The following MTSS2 variants were observed in gnomAD, a reference collection of about 807,000 sequenced individuals.
MTSS2 encodes protein MTSS 2.
A neutral mutation model predicts 67.1 loss-of-function variants in MTSS2; 27 were observed. That is an observed-to-expected ratio of 0.40 (90% CI 0.30 to 0.55). MTSS2 has a LOEUF of 0.55. Among genes scored for constraint, MTSS2 ranks in the 20% least tolerant of loss-of-function variants. The probability of loss-of-function intolerance (pLI) is 0.43; values close to 1 mark genes in which losing one functional copy is unlikely to be tolerated. For missense variants in MTSS2, 1,171 were observed against 1,067.8 expected (o/e 1.10, Z -1.35); for synonymous variants, 624 against 468.6 (o/e 1.33, Z -4.28).
rs2053189246 is a variant in MTSS2 at position 70,678,374 on chromosome 16, G to A, written c.502C>T (p.Leu168=). 2.5e-6 allele frequency: 4 copies of A among 1,612,760 alleles called. No homozygotes were observed. The highest frequency in any genetic ancestry group is 1.3e-5 in the African/African-American group (1 of 74,952). ...AGGTACATGTCGTTGACGTCCTGCA[G>A]GGCACTGTCCAGCTGGGGCTGCAGG... is the stretch of plus-strand genomic sequence containing the variant. ...GDLQPQLDSA[L]QDVNDMYLLL... Residue 168 remains leucine (L), a synonymous_variant, in exon 8 of 15, where the codon CTG becomes TTG. Coordinates refer to ENST00000338779, the MANE Select transcript of MTSS2 (RefSeq NM_138383.3).
chr16:70,664,524 G>T (rs986465242), intron 14 of MTSS2, 74 bp downstream of exon 14: 15 of 1,575,218 alleles, frequency 9.5e-6, no homozygotes, highest in African/African-American at 1.3e-5. Context: ...TGAGCACAGA[G>T]GGGGAAGGAC....
chr16:70,671,065 G>A (rs918017563), intron 11 of MTSS2, among the ~76,000 whole-genome samples: 1 of 151,558 alleles, frequency 6.6e-6, no homozygotes, highest in Admixed American at 6.6e-5. Flanking sequence ...CTGGCTTCAG[G>A]AGTGGTGGTT....
chr16:70,678,149 GC>G, intron 8 of MTSS2, 102 bp downstream of exon 8: 2 of 1,411,528 alleles, frequency 1.4e-6, no homozygotes, highest in East Asian at 2.3e-5. Flanking sequence ...TGGCCTTGAT[GC>G]CCCCAGCCAG....
chr16:70,672,277 G>A (rs2052962506), intron 11 of MTSS2, among the ~76,000 whole-genome samples: 1 of 151,018 alleles, frequency 6.6e-6, no homozygotes, highest in South Asian at 2.1e-4. Flanking sequence ...AACCTGGGAG[G>A]CAGAGGTTGC....
chr16:70,662,088 C>CAGGGCCTGCTT lies in MTSS2; in HGVS notation c.*1578_*1588dup, dbSNP rs2052499767. On this transcript the variant is annotated 3_prime_UTR_variant, in exon 15 of 15. Coordinates refer to ENST00000338779, the MANE Select transcript of MTSS2 (RefSeq NM_138383.3). ...CCCTCTGATGGGACTCTGTCCACAT[C>CAGGGCCTGCTT]AGGGCCTGCTTGGTGCCCGGACCTA... The CAGGGCCTGCTT allele has an allele frequency of 1.3e-5, 2 of 152,404 alleles. No individual in the cohort carries two copies. The highest frequency in any genetic ancestry group is 4.8e-5 in the African/African-American group (2 of 41,532). The allele number at this position is 152,404 out of a possible 1,614,324, so 9.4% of individuals were successfully genotyped here.
In MTSS2 at chr16:70,664,579, C is replaced by G. The variant is rs1313608162; in HGVS notation, c.1471+19G>C. 1.2e-6 allele frequency: 2 copies of G among 1,608,872 alleles called. No individual in the cohort carries two copies. Among genetic ancestry groups the G allele is most frequent in the Admixed American group, 3.3e-5 (2 of 59,898 alleles). ...AAGTCCCAGCTGTCCCTGGTCCCAC[C>G]CCAGCCCCGCGGGCCTGCCTTGGGA... On this transcript the variant is annotated intron_variant, in intron 14 of 14. Coordinates refer to ENST00000338779, the MANE Select transcript of MTSS2 (RefSeq NM_138383.3).
At chr16:70,681,964 A>G (rs1488045811) in intron 1 of MTSS2, among the ~76,000 whole-genome samples, 1 of 152,040 alleles carries the variant, frequency 6.6e-6, no homozygotes, top group Non-Finnish European at 1.5e-5. Context: ...CCTCCCTTCC[A>G]TGTAGGATGG....
Position 70,661,433 on chromosome 16 carries a change from A to G in MTSS2, c.*2244T>C. The G allele has an allele frequency of 2.7e-6, 1 of 373,612 alleles. No homozygotes were observed. The highest frequency in any genetic ancestry group is 5.3e-6 in the Non-Finnish European group (1 of 189,628). The allele number at this position is 373,612 out of a possible 1,614,324, so 23.1% of individuals were successfully genotyped here. On this transcript the variant is annotated 3_prime_UTR_variant, in exon 15 of 15. Transcript: ENST00000338779. ...CAGGAGGGCTGCCTGGGGTGGGGGA[A>G]TAAATTAAAAAAAGGAACGAGTTAA... is the stretch of plus-strand genomic sequence containing the variant.
rs777233251 is a variant in MTSS2, at chr16:70,679,651, G to A, written c.436C>T (p.Leu146=). The A allele has an allele frequency of 6.2e-7, 1 of 1,608,896 alleles. No individual in the cohort carries two copies. The highest frequency in any genetic ancestry group is 1.1e-5 in the South Asian group (1 of 90,070). The part of the protein sequence containing the change: ...IKKKSSDTLK[L]QKKARKELLG... ...CTACCTTTGCGCGCCTTCTTCTGCA[G>A]CTTCAGCGTGTCCGACGACTTCTTT... The change falls in exon 6 of 15, where the codon CTG becomes TTG. Residue 146 remains leucine, a synonymous_variant. Coordinates refer to ENST00000338779, the MANE Select transcript of MTSS2 (RefSeq NM_138383.3).
chr16:70,664,897 A>G (rs1349429585), intron 13 of MTSS2, 23 bp downstream of exon 13: 2 of 1,528,878 alleles, frequency 1.3e-6, no homozygotes, highest in Non-Finnish European at 1.8e-6. Flanking sequence ...CCTGGGCGTG[A>G]AGGGGGGCCC....
At chr16:70,680,456 G>A (rs1268674603) in intron 3 of MTSS2, among the ~76,000 whole-genome samples, 1 of 152,228 alleles carries the variant, frequency 6.6e-6, no homozygotes, top group Non-Finnish European at 1.5e-5. Flanking sequence ...AAGCCCAACG[G>A]CGCGCTCACC....
At chr16:70,670,754 AG>A (rs2052903305) in intron 11 of MTSS2, among the ~76,000 whole-genome samples, 1 of 152,116 alleles carries the variant, frequency 6.6e-6, no homozygotes, top group African/African-American at 2.4e-5. Flanking sequence ...GCTTGAAGGT[AG>A]GAGTTCGAGA....
intron 14 of MTSS2, 27 bp downstream of exon 14, chr16:70,664,571 G>A (rs1269903192): frequency 1.9e-6 from 3 of 1,606,694 alleles, no homozygotes; most frequent in South Asian, 2.2e-5. Context: ...AGCTGTCCCT[G>A]GTCCCACCCC....
At chr16:70,676,212 C>T (rs1370839005) in intron 10 of MTSS2, among the ~76,000 whole-genome samples, 1 of 152,236 alleles carries the variant, frequency 6.6e-6, no homozygotes, top group East Asian at 1.9e-4. Flanking sequence ...TCAATGTCTC[C>T]TCCAAACCCA....
Position 70,666,967 on chromosome 16 carries a change from C to A in MTSS2, c.1054-1427G>T, listed in dbSNP as rs148699892. The stretch of plus-strand genomic sequence containing the variant: ...TAAAGCAAGGAAAAGAAATAAAAAA[C>A]AAATGGATTGGAAAGAAAAGAAAGA... On this transcript the variant is annotated intron_variant, in intron 11 of 14. Transcript: ENST00000338779. Among the ~76,000 whole-genome samples the A allele has an allele frequency of 7.4e-4, 113 of 152,170 alleles. 1 individual carries two copies. In the South Asian group the frequency reaches 0.017, roughly 22 times the overall value.
At chr16:70,666,091 G>A (rs535856856) in intron 11 of MTSS2, among the ~76,000 whole-genome samples, 2 of 152,184 alleles carry the variant, frequency 1.3e-5, no homozygotes, top group East Asian at 1.9e-4. Context: ...ACCAGGCAGC[G>A]AGTGCAGTTA....
rs1415478910 is a variant in MTSS2, at chr16:70,661,341, G to GAAAGA, written c.*2331_*2335dup. The stretch of plus-strand genomic sequence containing the variant: ...AGGAGAATTTTTCCAAAATCTGACG[G>GAAAGA]AAAGAAAAGAAACAAATGGTTCAGA... On this transcript the variant is annotated 3_prime_UTR_variant, in exon 15 of 15. Coordinates refer to ENST00000338779, the MANE Select transcript of MTSS2 (RefSeq NM_138383.3). 7.3e-6 allele frequency: 3 copies of GAAAGA among 409,960 alleles called. No homozygotes were observed. In the Admixed American group the frequency reaches 9.0e-5, roughly 12 times the overall value. 25.4% of individuals were successfully genotyped at this position (409,960 alleles called of 1,614,324 possible). A position where few individuals can be genotyped will look rare whatever the true frequency, so the allele number is the denominator to read the frequency against.
At chr16:70,679,741 C>T in intron 5 of MTSS2, 37 bp from the exon 6 acceptor site, 2 of 1,610,226 alleles carry the variant, frequency 1.2e-6, no homozygotes, top group Non-Finnish European at 8.5e-7. Flanking sequence ...TAATGGGGTC[C>T]CTGCGGAGTG....
chr16:70,662,189 T>TATCAATCA lies in MTSS2; in HGVS notation c.*1480_*1487dup, dbSNP rs80336048. 1 of 151,308 alleles carries TATCAATCA rather than the reference T, an allele frequency of 6.6e-6. No homozygotes were observed. The highest frequency in any genetic ancestry group is 2.4e-5 in the African/African-American group (1 of 41,280). 9.4% of individuals were successfully genotyped at this position (151,308 alleles called of 1,614,324 possible). The stretch of plus-strand genomic sequence containing the variant: ...GGGAGGCTCAGACCCAGCTCCATTC[T>TATCAATCA]ATCAATCAATCAATCAATCATCAAG... On this transcript the variant is annotated 3_prime_UTR_variant, in exon 15 of 15. Transcript: ENST00000338779.
Sources: allele counts gnomAD v4.1 joint callset (sites outside exome capture counted in the v4.1 genomes callset), GRCh38; gene constraint gnomAD v4.1.1; transcripts MANE v1.5; gene names NCBI Gene and HGNC (gene_info 2026-07-23, HGNC 2026-07-21).